Variants in RANBP9 observed in about 807,000 individuals in gnomAD.
RANBP9 encodes RAN binding protein 9, also known as ran-binding protein 9.
Under a neutral mutation model 84.3 loss-of-function variants are expected in RANBP9, and 15 were observed. The ratio of observed to expected loss-of-function variants is 0.18; its 90% CI spans 0.12 to 0.27. The LOEUF (loss-of-function observed/expected upper bound fraction) is 0.27, where lower values mean the gene tolerates loss of function less well. Ranked by LOEUF, RANBP9 falls within the 10% of genes least tolerant of loss-of-function variation. RANBP9 has a pLI of 1.00. For synonymous variants in RANBP9, 392 were observed against 349.6 expected (o/e 1.12, Z -1.35); for missense variants, 809 against 912.8 (o/e 0.89, Z 1.46).
At chr6:13,628,222 A>C (rs932427570) in intron 12 of RANBP9, among the ~76,000 whole-genome samples, 1 of 152,184 alleles carries the variant, frequency 6.6e-6, no homozygotes, top group African/African-American at 2.4e-5. Flanking sequence ...AAGAAGAAAA[A>C]ACATCTAAAA....
intron 6 of RANBP9, among the ~76,000 whole-genome samples, chr6:13,642,842 G>C (rs1047945214): frequency 6.6e-6 from 1 of 152,108 alleles, no homozygotes; most frequent in Non-Finnish European, 1.5e-5. Context: ...TATTACTTGA[G>C]AATCAAGGAC....
At chr6:13,631,996 T>C (rs990587899) in intron 12 of RANBP9, among the ~76,000 whole-genome samples, 3 of 152,126 alleles carry the variant, frequency 2.0e-5, no homozygotes, top group Admixed American at 6.5e-5. Context: ...AGACCTATAG[T>C]TTTATCTGCA....
intron 4 of RANBP9, among the ~76,000 whole-genome samples, chr6:13,652,915 C>G (rs915217878): frequency 3.9e-5 from 6 of 152,142 alleles, no homozygotes; most frequent in Non-Finnish European, 8.8e-5. Flanking sequence ...AATTTTATTT[C>G]TGAGATGCTG....
At chr6:13,710,867 G>A (rs1487244841) in intron 1 of RANBP9, 68 bp downstream of exon 1, 3 of 1,484,402 alleles carry the variant, frequency 2.0e-6, no homozygotes, top group Non-Finnish European at 1.8e-6. Context: ...CGGGTCGAGA[G>A]CGGCGCAGCG....
intron 1 of RANBP9, among the ~76,000 whole-genome samples, chr6:13,704,716 T>G (rs1758056487): frequency 6.6e-6 from 1 of 152,192 alleles, no homozygotes; most frequent in South Asian, 2.1e-4. Flanking sequence ...CAAAATTGCT[T>G]GTAAAACCAG....
intron 1 of RANBP9, among the ~76,000 whole-genome samples, chr6:13,698,459 ATAATT>A (rs1562322978): frequency 6.6e-6 from 1 of 152,226 alleles, no homozygotes; most frequent in African/African-American, 2.4e-5. Flanking sequence ...ATATGTTCAA[ATAATT>A]AAGTTACCTG....
At chr6:13,683,894 A>G (rs924040268) in intron 2 of RANBP9, among the ~76,000 whole-genome samples, 1 of 144,746 alleles carries the variant, frequency 6.9e-6, no homozygotes, top group Admixed American at 6.7e-5. Context: ...TTTGAGAAAC[A>G]TGATGGTTAT....
At chr6:13,675,291 A>C (rs1765864464) in intron 2 of RANBP9, among the ~76,000 whole-genome samples, 1 of 152,238 alleles carries the variant, frequency 6.6e-6, no homozygotes, top group African/African-American at 2.4e-5. Flanking sequence ...GCCTTAACTA[A>C]AGTCATACAA....
chr6:13,684,224 C>G (rs1287797991), intron 2 of RANBP9, among the ~76,000 whole-genome samples: 1 of 152,152 alleles, frequency 6.6e-6, no homozygotes, highest in Non-Finnish European at 1.5e-5. Context: ...ACCAAAAAAG[C>G]CTCTCTGATA....
At position 13,711,236 on chromosome 6, in the gene RANBP9, AGGCGGGGGCGGC is replaced by A. The variant is rs1227361280; in HGVS notation, c.258_269del (p.Pro89_Pro92del). 172 of 326,302 alleles carry A rather than the reference AGGCGGGGGCGGC, an allele frequency of 5.3e-4. No homozygotes were observed. The highest frequency in any genetic ancestry group is 9.4e-4 in the African/African-American group (15 of 15,938). The allele number at this position is 326,302 out of a possible 1,614,324, so 20.2% of individuals were successfully genotyped here. On this transcript the variant is annotated inframe_deletion, in exon 1 of 14. Coordinates refer to ENST00000011619, the MANE Select transcript of RANBP9 (RefSeq NM_005493.3). ...CGGGGGCAGCCGCTGAGGCAGGGGG[AGGCGGGGGCGGC>A]GGCGGGGGCGGCGGGGCCGCGGTGG...
intron 10 of RANBP9, among the ~76,000 whole-genome samples, chr6:13,636,767 A>G (rs1435078809): frequency 1.3e-5 from 2 of 152,328 alleles, no homozygotes; most frequent in East Asian, 3.9e-4. Context: ...ATTACAACTT[A>G]TATCAATCAC....
chr6:13,668,016 A>G (rs1386904785), intron 2 of RANBP9, among the ~76,000 whole-genome samples: 2 of 152,134 alleles, frequency 1.3e-5, no homozygotes, highest in East Asian at 3.8e-4. Context: ...AAATAAGAGG[A>G]GAGACTAGAA....
At chr6:13,667,042 AG>A (rs1337203780) in intron 2 of RANBP9, among the ~76,000 whole-genome samples, 1 of 152,226 alleles carries the variant, frequency 6.6e-6, no homozygotes, top group Non-Finnish European at 1.5e-5. Context: ...AGTGAGGGAC[AG>A]GCAAAATTTA....
chr6:13,627,081 T>A (rs778573850), intron 12 of RANBP9, among the ~76,000 whole-genome samples: 1 of 152,176 alleles, frequency 6.6e-6, no homozygotes, highest in African/African-American at 2.4e-5. Context: ...CCAATTACAA[T>A]AGAAGTTCTT....
At chr6:13,691,589 GACA>G (rs1355785907) in intron 2 of RANBP9, among the ~76,000 whole-genome samples, 1 of 151,892 alleles carries the variant, frequency 6.6e-6, no homozygotes, top group Non-Finnish European at 1.5e-5. Flanking sequence ...TGTTGCCAAG[GACA>G]ATTTATTTTA....
At chr6:13,688,842 A>G (rs1310822911) in intron 2 of RANBP9, among the ~76,000 whole-genome samples, 2 of 151,786 alleles carry the variant, frequency 1.3e-5, no homozygotes, top group African/African-American at 4.8e-5. Context: ...GGTATCATAT[A>G]TCTTCCCTAC....
chr6:13,630,551 T>C (rs1163120517), intron 12 of RANBP9, among the ~76,000 whole-genome samples: 1 of 152,044 alleles, frequency 6.6e-6, no homozygotes, highest in Non-Finnish European at 1.5e-5. Flanking sequence ...TTTCCAAATA[T>C]GCCCTAAAAC....
chr6:13,625,527 T>A, intron 13 of RANBP9, 126 bp downstream of exon 13: 1 of 551,832 alleles, frequency 1.8e-6, no homozygotes, highest in East Asian at 3.1e-5. Flanking sequence ...TAGGTATTTT[T>A]ATATTTTAAA....
chr6:13,635,561 A>C (rs938164156), intron 10 of RANBP9, among the ~76,000 whole-genome samples: 3 of 151,914 alleles, frequency 2.0e-5, no homozygotes, highest in Non-Finnish European at 4.4e-5. Context: ...AACAAATTCT[A>C]ACACCTTGGG....
Sources: gnomAD v4.1 joint callset for allele counts (sites outside exome capture counted in the v4.1 genomes callset) on GRCh38, gnomAD v4.1.1 for gene constraint, MANE v1.5 for transcripts, NCBI Gene and HGNC (gene_info 2026-07-23, HGNC 2026-07-21) for gene names.